APPL2: variants seen among roughly 807,000 people sequenced by gnomAD.
APPL2 encodes adaptor protein, phosphotyrosine interacting with PH domain and leucine zipper 2.
A neutral mutation model predicts 92.7 loss-of-function variants in APPL2; 84 were observed. The ratio of observed to expected loss-of-function variants is 0.91; its 90% CI spans 0.76 to 1.09. The LOEUF (loss-of-function observed/expected upper bound fraction) is 1.09, where lower values mean the gene tolerates loss of function less well. Among genes scored for constraint, APPL2 ranks in the 50% least tolerant of loss-of-function variants. The pLI is 0.00. For missense variants in APPL2, 736 were observed against 824.5 expected (o/e 0.89, Z 1.31); for synonymous variants, 291 against 291.0 (o/e 1.00, Z 0.00).
intron 8 of APPL2, 64 bp from the exon 9 acceptor site, chr12:105,203,849 G>C (rs917891757): frequency 1.4e-6 from 2 of 1,421,714 alleles, no homozygotes; most frequent in Admixed American, 1.7e-5. Context: ...ACTCACTGAA[G>C]GTGAGACAGG....
At chr12:105,195,190 A>G in intron 14 of APPL2, 71 bp downstream of exon 14, 1 of 1,462,992 alleles carries the variant, frequency 6.8e-7, no homozygotes, top group Non-Finnish European at 9.5e-7. Context: ...GGATTAAGCA[A>G]CAACTCATTT....
chr12:105,199,148 C>T (rs1032568179), intron 10 of APPL2, among the ~76,000 whole-genome samples: 3 of 152,088 alleles, frequency 2.0e-5, no homozygotes, highest in Non-Finnish European at 2.9e-5. Flanking sequence ...TCCACAGCAC[C>T]AGGCTCTTAG....
At chr12:105,189,659 C>CTTAA in intron 16 of APPL2, 113 bp downstream of exon 16, 1 of 1,231,332 alleles carries the variant, frequency 8.1e-7, no homozygotes, top group Non-Finnish European at 1.2e-6. Context: ...AACAACAAAT[C>CTTAA]TTAATTCATA....
chr12:105,210,800 A>G (rs56291025), intron 5 of APPL2, among the ~76,000 whole-genome samples: 4 of 151,844 alleles, frequency 2.6e-5, no homozygotes, highest in Non-Finnish European at 2.9e-5. Flanking sequence ...CTTTCTCCAA[A>G]CCCCGCTTTC....
chr12:105,203,903 G>A (rs1249531672), intron 8 of APPL2, 118 bp from the exon 9 acceptor site: 6 of 777,244 alleles, frequency 7.7e-6, no homozygotes, highest in East Asian at 2.6e-5. Context: ...CGCCTCGCAC[G>A]CGGCACTGGC....
intron 17 of APPL2, among the ~76,000 whole-genome samples, chr12:105,178,942 G>C (rs1008632238): frequency 6.6e-6 from 1 of 152,086 alleles, no homozygotes; most frequent in East Asian, 1.9e-4. Context: ...TATTTTGTGG[G>C]TCACTTTCAG....
chr12:105,211,189 A>C (rs750265402), intron 5 of APPL2, 41 bp downstream of exon 5: 1 of 1,328,570 alleles, frequency 7.5e-7, no homozygotes, highest in Non-Finnish European at 1.1e-6. Flanking sequence ...TGCATTACAC[A>C]ATATTTTGAA....
At chr12:105,221,891 TA>T (rs1293592754) in intron 2 of APPL2, among the ~76,000 whole-genome samples, 15 of 152,220 alleles carry the variant, frequency 9.9e-5, no homozygotes, top group African/African-American at 3.4e-4. Flanking sequence ...CACAGAACGC[TA>T]ACTAAATGCA....
At chr12:105,219,011 C>G (rs2136053209) in intron 2 of APPL2, among the ~76,000 whole-genome samples, 1 of 152,318 alleles carries the variant, frequency 6.6e-6, no homozygotes, top group African/African-American at 2.4e-5. Flanking sequence ...CCTTACATTT[C>G]TAAAGCTCAG....
intron 4 of APPL2, among the ~76,000 whole-genome samples, chr12:105,211,859 G>A (rs1019507883): frequency 2.0e-5 from 3 of 152,166 alleles, no homozygotes; most frequent in African/African-American, 7.2e-5. Flanking sequence ...GGTAGCTCAC[G>A]CCTGTAATCC....
chr12:105,207,761 T>A (rs1888857762), intron 7 of APPL2, among the ~76,000 whole-genome samples: 1 of 152,134 alleles, frequency 6.6e-6, no homozygotes, highest in Non-Finnish European at 1.5e-5. Context: ...TTACAGTGGC[T>A]CTAAGCTGGT....
At chr12:105,181,194 C>A (rs1886078934) in intron 17 of APPL2, among the ~76,000 whole-genome samples, 1 of 152,140 alleles carries the variant, frequency 6.6e-6, no homozygotes, top group African/African-American at 2.4e-5. Context: ...TATCGAAGGC[C>A]TTTTCTGCAT....
At chr12:105,188,780 A>G (rs1449511670) in intron 16 of APPL2, among the ~76,000 whole-genome samples, 2 of 152,234 alleles carry the variant, frequency 1.3e-5, no homozygotes, top group Non-Finnish European at 2.9e-5. Context: ...TGAGTTCACT[A>G]GACAATAGAA....
At chr12:105,201,476 G>T (rs1431005558) in intron 9 of APPL2, among the ~76,000 whole-genome samples, 1 of 152,134 alleles carries the variant, frequency 6.6e-6, no homozygotes, top group Non-Finnish European at 1.5e-5. Context: ...CCTCTTTGAA[G>T]ATGTGATACA....
At chr12:105,207,813 G>C (rs543916740) in intron 7 of APPL2, among the ~76,000 whole-genome samples, 158 bp downstream of exon 7, 23 of 151,764 alleles carry the variant, frequency 1.5e-4, no homozygotes, top group South Asian at 1.5e-3. Flanking sequence ...GAGAAGTGGA[G>C]GTCTACTTAT....
Position 105,174,044 on chromosome 12 carries a change from G to A in APPL2, c.*270C>T, listed in dbSNP as rs1350562784. 3.3e-6 allele frequency: 1 copy of A among 300,460 alleles called. No individual in the cohort carries two copies. Among genetic ancestry groups the A allele is most frequent in the Non-Finnish European group, 6.0e-6 (1 of 166,596 alleles). The allele number at this position is 300,460 out of a possible 1,614,324, so 18.6% of individuals were successfully genotyped here. On this transcript the variant is annotated 3_prime_UTR_variant, in exon 21 of 21. Transcript: ENST00000258530. ...AATGCATTTTTCAAACTTTTGTTCT[G>A]AGCGCTGAACAATCTAAGAAATTTT... is the stretch of plus-strand genomic sequence containing the variant.
chr12:105,190,479 T>C (rs1441017857), intron 14 of APPL2, among the ~76,000 whole-genome samples: 1 of 152,212 alleles, frequency 6.6e-6, no homozygotes, highest in East Asian at 1.9e-4. Context: ...TGGAACATAG[T>C]AGGCACTAAA....
intron 4 of APPL2, 68 bp downstream of exon 4, chr12:105,217,001 G>T: frequency 1.7e-6 from 2 of 1,163,760 alleles, no homozygotes; most frequent in Non-Finnish European, 1.2e-6. Context: ...ATGGAAAGTG[G>T]GCCAAAATAA....
intron 9 of APPL2, among the ~76,000 whole-genome samples, chr12:105,203,017 AC>A (rs1888354495): frequency 3.2e-4 from 1 of 3,160 alleles, no homozygotes; most frequent in Non-Finnish European, 1.2e-3. Context: ...AACTACACAC[AC>A]ACACACACAC....
Sources: gnomAD v4.1 joint callset for allele counts (sites outside exome capture counted in the v4.1 genomes callset) on GRCh38, gnomAD v4.1.1 for gene constraint, MANE v1.5 for transcripts, NCBI Gene and HGNC (gene_info 2026-07-23, HGNC 2026-07-21) for gene names.